ECT2L: variants seen among roughly 807,000 people sequenced by gnomAD.
ECT2L encodes epithelial cell transforming 2 like, also known as epithelial cell-transforming sequence 2 oncogene-like.
Under a neutral mutation model 122.8 loss-of-function variants are expected in ECT2L, and 126 were observed. That is an observed-to-expected ratio of 1.03 (90% CI 0.89 to 1.19). The LOEUF (loss-of-function observed/expected upper bound fraction) is 1.19, where lower values mean the gene tolerates loss of function less well. ECT2L is among the 50% of genes most tolerant of loss of function. The pLI is 0.00. For missense variants in ECT2L, 1,012 were observed against 1,064.1 expected, an observed-to-expected ratio of 0.95 and a Z score of 0.68; for synonymous variants, 385 against 381.8, an observed-to-expected ratio of 1.01 and a Z score of -0.10.
Position 138,849,416 on chromosome 6 carries a change from G to T in ECT2L, c.1051G>T (p.Glu351Ter), listed in dbSNP as rs73557274. 8.3e-4 allele frequency: 1,344 copies of T among 1,613,490 alleles called. 2 individuals are homozygous for T. The highest frequency in any genetic ancestry group is 1.0e-3 in the Non-Finnish European group (1,200 of 1,179,776). Residue 351 changes from glutamate to a stop codon, truncating the protein, a stop_gained, in exon 9 of 22, where the codon GAA (glutamate) becomes TAA (stop). Transcript: ENST00000541398. LOFTEE classifies it high-confidence loss of function. Reference protein sequence around the residue: ...IGIFSDGDSREINLLQGYKIG... With the variant: ...IGIFSDGDSR ...AATATTTAGCGATGGAGACAGCAGA[G>T]AAATCAATTTACTCCAAGGTAGGCC...
intron 15 of ECT2L, among the ~76,000 whole-genome samples, chr6:138,881,443 A>C (rs1350560759): frequency 6.6e-6 from 1 of 152,004 alleles, no homozygotes; most frequent in African/African-American, 2.4e-5. Flanking sequence ...CCTTTTTGGC[A>C]CCAGGAACCA....
intron 4 of ECT2L, among the ~76,000 whole-genome samples, chr6:138,836,871 A>G (rs931532150): frequency 2.6e-5 from 4 of 152,004 alleles, no homozygotes; most frequent in Non-Finnish European, 5.9e-5. Flanking sequence ...TTCTTTTGGT[A>G]TGTCCATGAT....
In ECT2L at chr6:138,887,889, C is replaced by T. The variant is rs560406549; in HGVS notation, c.2325+967C>T. On this transcript the variant is annotated intron_variant, in intron 19 of 21. Coordinates refer to ENST00000541398, the MANE Select transcript of ECT2L (RefSeq NM_001077706.3). ...TTCCCCCAGCATTTCCAGCTGTCAG[C>T]GGCTTCTTTGTAGGGATTTTGCATC... Among the ~76,000 whole-genome samples, 8 of 152,286 alleles carry T rather than the reference C, an allele frequency of 5.3e-5. No homozygotes were observed. In the South Asian group the frequency reaches 1.4e-3, roughly 28 times the overall value.
intron 20 of ECT2L, 120 bp from the exon 21 acceptor site, chr6:138,900,828 C>T: frequency 9.2e-7 from 1 of 1,089,816 alleles, no homozygotes; most frequent in East Asian, 2.6e-5. Context: ...ACCAGCCATT[C>T]AAAATGTCAG....
chr6:138,837,101 C>T (rs544369593), intron 4 of ECT2L, among the ~76,000 whole-genome samples: 1 of 152,054 alleles, frequency 6.6e-6, no homozygotes, highest in African/African-American at 2.4e-5. Context: ...TATGTACACA[C>T]GTGTACATAT....
At chr6:138,803,158 G>A (rs1325504240) in intron 1 of ECT2L, among the ~76,000 whole-genome samples, 1 of 151,804 alleles carries the variant, frequency 6.6e-6, no homozygotes, top group Non-Finnish European at 1.5e-5. Context: ...CCGGGAGGCT[G>A]AGGCCAGAGA....
intron 11 of ECT2L, 103 bp from the exon 12 acceptor site, chr6:138,864,893 C>A: frequency 9.1e-7 from 1 of 1,104,282 alleles, no homozygotes; most frequent in East Asian, 2.5e-5. Flanking sequence ...CGATAATAAA[C>A]TCAATACAAA....
chr6:138,878,028 T>G (rs887089831), intron 14 of ECT2L, among the ~76,000 whole-genome samples: 1 of 152,242 alleles, frequency 6.6e-6, no homozygotes, highest in African/African-American at 2.4e-5. Context: ...AATGAAATTA[T>G]GGTTAACTCA....
rs67979415 is a variant in ECT2L, at chr6:138,873,229, TA to T, written c.1579-3235del. ...ACTCCTTAATGCCTGGAAATTTGATTAAAAAAAATCGAATTAGAAAAAAATA... is the reference window on the plus strand; with the variant it reads ...ACTCCTTAATGCCTGGAAATTTGATTAAAAAAATCGAATTAGAAAAAAATA... On this transcript the variant is annotated intron_variant, in intron 13 of 21. Coordinates refer to ENST00000541398, the MANE Select transcript of ECT2L (RefSeq NM_001077706.3). Among the ~76,000 whole-genome samples the T allele has an allele frequency of 5.5e-4, 83 of 151,836 alleles. No individual in the cohort carries two copies. The South Asian group carries it at 8.3e-3, about 15-fold the overall frequency.
intron 1 of ECT2L, among the ~76,000 whole-genome samples, chr6:138,807,717 AG>A (rs1202719383): frequency 5.3e-5 from 8 of 152,116 alleles, no homozygotes; most frequent in African/African-American, 1.9e-4. Context: ...CATGGTTCTG[AG>A]GGTGAGCTGG....
At chr6:138,849,572 G>C in intron 9 of ECT2L, 138 bp downstream of exon 9, 2 of 735,114 alleles carry the variant, frequency 2.7e-6, no homozygotes, top group Non-Finnish European at 4.0e-6. Flanking sequence ...AAAAAGCGAA[G>C]CTTTTTTTTT....
intron 4 of ECT2L, among the ~76,000 whole-genome samples, chr6:138,824,420 C>T (rs944381159): frequency 7.3e-4 from 109 of 150,238 alleles, no homozygotes; most frequent in African/African-American, 2.5e-3. Context: ...AATACAAGAA[C>T]GATTTCCCTG....
intron 1 of ECT2L, among the ~76,000 whole-genome samples, chr6:138,802,127 G>A (rs1775565195): frequency 6.6e-6 from 1 of 152,244 alleles, no homozygotes; most frequent in Non-Finnish European, 1.5e-5. Context: ...ACTATAGAGA[G>A]GCCCACATGG....
At chr6:138,880,177 C>T (rs73559405) in intron 14 of ECT2L, among the ~76,000 whole-genome samples, 2,079 of 152,222 alleles carry the variant, frequency 0.014, 59 homozygotes, top group African/African-American at 0.048. Context: ...GGTGTCTTCA[C>T]CTGTTCATGC....
At chr6:138,844,351 G>A in intron 6 of ECT2L, 61 bp from the exon 7 acceptor site, 2 of 1,578,026 alleles carry the variant, frequency 1.3e-6, no homozygotes, top group Non-Finnish European at 1.7e-6. Flanking sequence ...CTTTATCTGT[G>A]TGGACTTGGC....
intron 20 of ECT2L, among the ~76,000 whole-genome samples, chr6:138,899,760 A>G (rs1299008823): frequency 6.8e-6 from 1 of 146,910 alleles, no homozygotes; most frequent in Non-Finnish European, 1.5e-5. Context: ...GAAGGAAAAC[A>G]ATTATGCTCT....
chr6:138,809,656 C>A (rs1001104028), intron 1 of ECT2L, among the ~76,000 whole-genome samples: 3 of 152,004 alleles, frequency 2.0e-5, no homozygotes. Context: ...ATTTATGCAT[C>A]TATATTTATG....
At position 138,842,982 on chromosome 6, in the gene ECT2L, T is replaced by G; in HGVS notation, c.346T>G (p.Cys116Gly). The change falls in exon 6 of 22, where the codon TGC becomes GGC. Residue 116 changes from cysteine to glycine, a missense_variant. Physicochemically the swap from Cys to Gly is radical, Grantham distance 159 (BLOSUM62 -3). Transcript: ENST00000541398. The stretch of plus-strand genomic sequence containing the variant: ...CATCTTCCTCTTGTTTCTGAAGGAT[T>G]GCTTATGGATGCCCAAATGCGTTAA... ...WPWKFLTEQD[C>G]LWMPKCVKFG... 1.3e-6 allele frequency: 2 copies of G among 1,485,200 alleles called. No homozygotes were observed. Among genetic ancestry groups the G allele is most frequent in the South Asian group, 1.5e-5 (1 of 67,776 alleles). The allele number at this position is 1,485,200 out of a possible 1,614,324, so 92.0% of individuals were successfully genotyped here. A position where few individuals can be genotyped will look rare whatever the true frequency, so the allele number is the denominator to read the frequency against.
At chr6:138,882,552 CA>C (rs1778677193) in intron 15 of ECT2L, among the ~76,000 whole-genome samples, 171 bp from the exon 16 acceptor site, 1 of 152,152 alleles carries the variant, frequency 6.6e-6, no homozygotes, top group Admixed American at 6.5e-5. Context: ...CTTCACGTCC[CA>C]GTTCCCTTTC....
Sources: allele counts gnomAD v4.1 joint callset (sites outside exome capture counted in the v4.1 genomes callset), GRCh38; gene constraint gnomAD v4.1.1; transcripts MANE v1.5; gene names NCBI Gene and HGNC (gene_info 2026-07-23, HGNC 2026-07-21).